Variants in CTNNA3 observed in about 807,000 individuals in gnomAD.
CTNNA3 encodes the protein catenin alpha 3.
In CTNNA3, 76 loss-of-function variants were observed where a neutral mutation model predicts 95.7. That is an observed-to-expected ratio of 0.79 (90% CI 0.66 to 0.96). The LOEUF (loss-of-function observed/expected upper bound fraction) is 0.96, where lower values mean the gene tolerates loss of function less well. CTNNA3 is among the 40% of genes least tolerant of loss of function. CTNNA3 has a pLI of 0.00. For synonymous variants in CTNNA3, 431 were observed against 374.4 expected, an observed-to-expected ratio of 1.15 and a Z score of -1.74; for missense variants, 1,191 against 1,089.8, an observed-to-expected ratio of 1.09 and a Z score of -1.31.
intron 11 of CTNNA3, among the ~76,000 whole-genome samples, chr10:66,499,902 A>T (rs1247005274): frequency 1.3e-5 from 2 of 151,370 alleles, no homozygotes; most frequent in East Asian, 3.9e-4. Flanking sequence ...TCCCGGCTTC[A>T]AGCAATTCAC....
chr10:66,482,643 A>G (rs1278745301), intron 11 of CTNNA3, among the ~76,000 whole-genome samples: 1 of 152,054 alleles, frequency 6.6e-6, no homozygotes, highest in Non-Finnish European at 1.5e-5. Flanking sequence ...TTTTTAAGTA[A>G]ATATATATGT....
intron 9 of CTNNA3, among the ~76,000 whole-genome samples, chr10:66,645,983 G>T (rs181016072): frequency 2.9e-4 from 44 of 152,198 alleles, no homozygotes; most frequent in Non-Finnish European, 5.9e-5. Flanking sequence ...TTAATATCAG[G>T]TAGAGTACTT....
At chr10:66,561,628 G>A (rs934581410) in intron 10 of CTNNA3, among the ~76,000 whole-genome samples, 7 of 152,032 alleles carry the variant, frequency 4.6e-5, no homozygotes, top group African/African-American at 1.7e-4. Flanking sequence ...CACAAGAGAG[G>A]AAGTTAAAGG....
chr10:67,433,964 A>G (rs1846214067), intron 5 of CTNNA3, among the ~76,000 whole-genome samples: 1 of 151,956 alleles, frequency 6.6e-6, no homozygotes. Flanking sequence ...CCTCTCCAAC[A>G]CACCCTTTCT....
At chr10:66,186,276 A>ATGTGTG (rs1377299893) in intron 13 of CTNNA3, among the ~76,000 whole-genome samples, 1 of 111,848 alleles carries the variant, frequency 8.9e-6, no homozygotes, top group Non-Finnish European at 2.0e-5. Flanking sequence ...ACAAAATAAA[A>ATGTGTG]TGTGAGTGTG....
In CTNNA3 at chr10:66,966,825, A is replaced by G. The variant is rs552963457; in HGVS notation, c.1048-191301T>C. Reference sequence around the variant, plus strand: ...TGAATCAGTGTGCTCTCACATCTCCATATCTCTGTGTTACCCAACATAGAA... The same window carrying G: ...TGAATCAGTGTGCTCTCACATCTCCGTATCTCTGTGTTACCCAACATAGAA... On this transcript the variant is annotated intron_variant, in intron 7 of 17. Coordinates refer to ENST00000433211, the MANE Select transcript of CTNNA3 (RefSeq NM_013266.4). Among the ~76,000 whole-genome samples the G allele has an allele frequency of 6.6e-5, 10 of 152,218 alleles. No homozygotes were observed. In the South Asian group the frequency reaches 1.2e-3, roughly 19 times the overall value.
At chr10:66,897,764 A>C (rs1303614797) in intron 7 of CTNNA3, among the ~76,000 whole-genome samples, 1 of 152,172 alleles carries the variant, frequency 6.6e-6, no homozygotes, top group Non-Finnish European at 1.5e-5. Context: ...TGAAAACAAA[A>C]ACCTATAAAC....
chr10:67,741,336 A>G (rs1407658793), intron 1 of CTNNA3, among the ~76,000 whole-genome samples: 1 of 147,074 alleles, frequency 6.8e-6, no homozygotes, highest in Non-Finnish European at 1.5e-5. Context: ...AATAAAAAAT[A>G]AAAAAAGAAC....
At position 67,079,834 on chromosome 10, in the gene CTNNA3, C is replaced by T. The variant is rs1157352184; in HGVS notation, c.1047+100483G>A. On this transcript the variant is annotated intron_variant, in intron 7 of 17. Coordinates refer to ENST00000433211, the MANE Select transcript of CTNNA3 (RefSeq NM_013266.4). Reference sequence around the variant, plus strand: ...CTGAACTCCAGCCTGGGTGGCACAGCGAGACTCCATCTCAAAAAAACAAAA... The same window carrying T: ...CTGAACTCCAGCCTGGGTGGCACAGTGAGACTCCATCTCAAAAAAACAAAA... Among the ~76,000 whole-genome samples, 5 of 143,968 alleles carry T rather than the reference C, an allele frequency of 3.5e-5. No homozygotes were observed. In the South Asian group the frequency reaches 1.2e-3, roughly 33 times the overall value. 94.4% of individuals were successfully genotyped at this position (143,968 alleles called of 152,430 possible).
At chr10:67,570,280 T>G (rs1486480315) in intron 3 of CTNNA3, among the ~76,000 whole-genome samples, 1 of 151,992 alleles carries the variant, frequency 6.6e-6, no homozygotes, top group Non-Finnish European at 1.5e-5. Context: ...TCTTGTCTCT[T>G]TTTTTAGTGT....
At chr10:67,287,482 C>A (rs1004309930) in intron 5 of CTNNA3, among the ~76,000 whole-genome samples, 1 of 152,106 alleles carries the variant, frequency 6.6e-6, no homozygotes, top group Non-Finnish European at 1.5e-5. Flanking sequence ...ATTATAAAGA[C>A]AATCCTCTGG....
intron 7 of CTNNA3, among the ~76,000 whole-genome samples, chr10:66,776,537 A>T (rs1840308526): frequency 6.6e-6 from 1 of 152,166 alleles, no homozygotes; most frequent in Non-Finnish European, 1.5e-5. Context: ...CAAGAAATTT[A>T]AAAACTCTCT....
At chr10:66,655,304 G>A (rs887270116) in intron 9 of CTNNA3, among the ~76,000 whole-genome samples, 13 of 151,860 alleles carry the variant, frequency 8.6e-5, no homozygotes, top group African/African-American at 2.4e-4. Flanking sequence ...GATTTTTCAT[G>A]TTTCTTTTTT....
At chr10:67,224,323 T>C (rs1864792547) in intron 5 of CTNNA3, among the ~76,000 whole-genome samples, 1 of 152,226 alleles carries the variant, frequency 6.6e-6, no homozygotes, top group Admixed American at 6.5e-5. Flanking sequence ...ATTCCACATA[T>C]AAATACAATC....
intron 7 of CTNNA3, among the ~76,000 whole-genome samples, chr10:66,913,263 AAAG>A (rs1269451284): frequency 2.4e-4 from 34 of 144,090 alleles, no homozygotes; most frequent in African/African-American, 6.1e-4. Context: ...AAAAAAAAAA[AAAG>A]AAAAAGAAAA....
intron 13 of CTNNA3, among the ~76,000 whole-genome samples, chr10:66,256,834 T>C (rs1022783480): frequency 6.6e-6 from 1 of 152,300 alleles, no homozygotes; most frequent in Non-Finnish European, 1.5e-5. Flanking sequence ...CTCATCCCTA[T>C]GCTACTAACA....
chr10:66,209,824 AC>A (rs1289537822), intron 13 of CTNNA3, among the ~76,000 whole-genome samples: 2 of 152,164 alleles, frequency 1.3e-5, no homozygotes, highest in East Asian at 3.9e-4. Context: ...TTAGGTTAAA[AC>A]ATGTATGTGT....
At chr10:66,084,745 A>T (rs1268143356) in intron 14 of CTNNA3, 1 of 152,226 alleles carries the variant, frequency 6.6e-6, no homozygotes, top group Non-Finnish European at 1.5e-5. Context: ...GTGGGACACA[A>T]TAATCAAAAA....
chr10:66,180,080 T>C (rs1216571395), intron 13 of CTNNA3, among the ~76,000 whole-genome samples: 2 of 152,206 alleles, frequency 1.3e-5, no homozygotes, highest in Non-Finnish European at 2.9e-5. Context: ...ATATTATGGC[T>C]GTATGCTGCC....
Sources: gnomAD v4.1 joint callset for allele counts (sites outside exome capture counted in the v4.1 genomes callset) on GRCh38, gnomAD v4.1.1 for gene constraint, MANE v1.5 for transcripts, NCBI Gene and HGNC (gene_info 2026-07-23, HGNC 2026-07-21) for gene names.